The following THSD7B variants were observed in gnomAD, a reference collection of about 807,000 sequenced individuals.
The protein encoded by THSD7B is thrombospondin type-1 domain-containing protein 7B.
A neutral mutation model predicts 213.6 loss-of-function variants in THSD7B; 138 were observed. The observed-to-expected ratio is 0.65, with a 90% CI of 0.56 to 0.74. THSD7B has a LOEUF of 0.74. Among genes scored for constraint, THSD7B ranks in the 30% least tolerant of loss-of-function variants. The pLI is 0.00. For missense variants in THSD7B, 1,931 were observed against 1,991.5 expected (o/e 0.97, Z 0.58); for synonymous variants, 742 against 687.0 (o/e 1.08, Z -1.25).
chr2:137,638,194 C>T (rs1682868476), intron 20 of THSD7B, among the ~76,000 whole-genome samples: 2 of 152,064 alleles, frequency 1.3e-5, no homozygotes, highest in South Asian at 2.1e-4. Context: ...TGGCTGTGTC[C>T]CCAACCAAAT....
chr2:137,396,755 A>G (rs1348115196), intron 12 of THSD7B, among the ~76,000 whole-genome samples: 7 of 149,668 alleles, frequency 4.7e-5, no homozygotes, highest in Non-Finnish European at 7.4e-5. Flanking sequence ...TCTAATGTTG[A>G]CAGTGGGGTG....
At chr2:137,301,375 G>T (rs1321898694) in intron 12 of THSD7B, among the ~76,000 whole-genome samples, 1 of 151,630 alleles carries the variant, frequency 6.6e-6, no homozygotes, top group East Asian at 1.9e-4. Flanking sequence ...TAAACACCAG[G>T]TCTAGATACT....
intron 5 of THSD7B, among the ~76,000 whole-genome samples, chr2:137,152,997 GTTCT>G (rs1240670164): frequency 1.3e-5 from 2 of 152,090 alleles, no homozygotes; most frequent in Non-Finnish European, 2.9e-5. Context: ...ATCAGCTCTT[GTTCT>G]TTCTATCTTC....
intron 17 of THSD7B, 91 bp from the exon 18 acceptor site, chr2:137,616,084 G>T (rs1448433850): frequency 5.4e-6 from 7 of 1,301,926 alleles, no homozygotes; most frequent in Non-Finnish European, 6.3e-6. Context: ...TCCCTATATT[G>T]TTACATATGT....
chr2:136,828,535 A>G (rs1444446102), intron 1 of THSD7B, among the ~76,000 whole-genome samples: 1 of 152,136 alleles, frequency 6.6e-6, no homozygotes, highest in African/African-American at 2.4e-5. Context: ...TGGCAATATT[A>G]TTGTTTCAAA....
At position 137,166,363 on chromosome 2, in the gene THSD7B, T is replaced by C. The variant is rs554023799; in HGVS notation, c.1526-4378T>C. Among the ~76,000 whole-genome samples the C allele has an allele frequency of 5.9e-5, 9 of 152,334 alleles. No homozygotes were observed. The South Asian group carries it at 1.9e-3, about 32-fold the overall frequency. Reference sequence around the variant, plus strand: ...AATACTCTTAGACAAACTCTACACATAGATGTGATACATTTTAAAATTTTT... The same window carrying C: ...AATACTCTTAGACAAACTCTACACACAGATGTGATACATTTTAAAATTTTT... On this transcript the variant is annotated intron_variant, in intron 6 of 27. Transcript: ENST00000409968.
intron 7 of THSD7B, among the ~76,000 whole-genome samples, chr2:137,203,051 C>CATAT (rs1680911503): frequency 6.6e-6 from 1 of 151,254 alleles, no homozygotes; most frequent in Non-Finnish European, 1.5e-5. Context: ...GATGGATAAA[C>CATAT]AGTATTTTGT....
intron 1 of THSD7B, among the ~76,000 whole-genome samples, chr2:136,772,148 A>G (rs1681519721): frequency 6.6e-6 from 1 of 152,134 alleles, no homozygotes; most frequent in Non-Finnish European, 1.5e-5. Context: ...GTTGGACTGC[A>G]AGGCCTATTC....
intron 2 of THSD7B, among the ~76,000 whole-genome samples, chr2:136,915,696 C>T (rs1173345714): frequency 6.6e-6 from 1 of 152,086 alleles, no homozygotes; most frequent in African/African-American, 2.4e-5. Flanking sequence ...AGTACCTGGC[C>T]CATGGTTACA....
chr2:137,474,969 G>T (rs1220677599), intron 15 of THSD7B, among the ~76,000 whole-genome samples: 1 of 151,968 alleles, frequency 6.6e-6, no homozygotes, highest in Non-Finnish European at 1.5e-5. Context: ...TTGTAAATCT[G>T]TCCAAGTGTA....
chr2:137,040,398 TC>T (rs1417028764), intron 2 of THSD7B, among the ~76,000 whole-genome samples: 1 of 81,314 alleles, frequency 1.2e-5, no homozygotes, highest in Non-Finnish European at 3.6e-5. Flanking sequence ...TTCTTCCTCT[TC>T]TTTTTTTTTT....
At chr2:137,338,273 G>C (rs1684685828) in intron 12 of THSD7B, among the ~76,000 whole-genome samples, 1 of 151,984 alleles carries the variant, frequency 6.6e-6, no homozygotes, top group East Asian at 1.9e-4. Context: ...ATGGCGAATA[G>C]CTTCTCCCAG....
At chr2:137,036,349 C>A (rs1686775693) in intron 2 of THSD7B, among the ~76,000 whole-genome samples, 1 of 152,010 alleles carries the variant, frequency 6.6e-6, no homozygotes, top group Non-Finnish European at 1.5e-5. Flanking sequence ...TTTTATGTCA[C>A]CAACATGGCA....
chr2:136,964,263 G>A (rs570411532), intron 2 of THSD7B, among the ~76,000 whole-genome samples: 31 of 152,090 alleles, frequency 2.0e-4, no homozygotes, highest in Non-Finnish European at 3.7e-4. Context: ...AATCCTTTTA[G>A]GATTAGGAAA....
At chr2:136,789,167 T>C (rs1313210141) in intron 1 of THSD7B, among the ~76,000 whole-genome samples, 1 of 152,022 alleles carries the variant, frequency 6.6e-6, no homozygotes, top group Non-Finnish European at 1.5e-5. Flanking sequence ...TTATAACAGT[T>C]TGGTTTTTTT....
At chr2:137,333,713 C>A (rs1418938631) in intron 12 of THSD7B, among the ~76,000 whole-genome samples, 2 of 152,226 alleles carry the variant, frequency 1.3e-5, no homozygotes, top group African/African-American at 2.4e-5. Context: ...GCCCCAGGCA[C>A]TTTCTCTTCA....
chr2:137,235,839 A>G (rs1681751638), intron 9 of THSD7B, among the ~76,000 whole-genome samples: 1 of 152,202 alleles, frequency 6.6e-6, no homozygotes, highest in African/African-American at 2.4e-5. Flanking sequence ...ACACACAAAT[A>G]TAAAAGCATT....
chr2:137,666,472 T>C (rs771509584), intron 26 of THSD7B, among the ~76,000 whole-genome samples: 5 of 152,072 alleles, frequency 3.3e-5, no homozygotes, highest in East Asian at 1.9e-4. Context: ...GTAGTTGTAA[T>C]GTAATTGAAA....
intron 13 of THSD7B, among the ~76,000 whole-genome samples, chr2:137,411,334 T>C (rs947912143): frequency 7.9e-5 from 12 of 152,234 alleles, no homozygotes; most frequent in Admixed American, 2.0e-4. Flanking sequence ...ATAAATTAAC[T>C]GGAATTCTCT....
Sources: gnomAD v4.1 joint callset for allele counts (sites outside exome capture counted in the v4.1 genomes callset) on GRCh38, gnomAD v4.1.1 for gene constraint, MANE v1.5 for transcripts, NCBI Gene and HGNC (gene_info 2026-07-23, HGNC 2026-07-21) for gene names.